Variants in LRP1B observed in about 807,000 individuals in gnomAD.
LRP1B encodes low-density lipoprotein receptor-related protein 1B.
In LRP1B, 217 loss-of-function variants were observed where a neutral mutation model predicts 556.6. The ratio of observed to expected loss-of-function variants is 0.39; its 90% confidence interval spans 0.35 to 0.44. The LOEUF is 0.44. Ranked by LOEUF, LRP1B falls within the 20% of genes least tolerant of loss-of-function variation. The probability of loss-of-function intolerance (pLI) is 1.00; values close to 1 mark genes in which losing one functional copy is unlikely to be tolerated. For missense variants in LRP1B, 5,053 were observed against 5,620.8 expected (o/e 0.90, Z 3.23); for synonymous variants, 2,047 against 1,865.8 (o/e 1.10, Z -2.50).
intron 21 of LRP1B, among the ~76,000 whole-genome samples, chr2:140,911,361 A>G (rs993502990): frequency 3.3e-5 from 5 of 151,796 alleles, no homozygotes; most frequent in African/African-American, 9.7e-5. Flanking sequence ...CCATTGTAGG[A>G]GGAAGAGATA....
chr2:140,273,812 C>T (rs1011608495), intron 85 of LRP1B, among the ~76,000 whole-genome samples: 6 of 151,938 alleles, frequency 3.9e-5, no homozygotes, highest in East Asian at 1.9e-4. Flanking sequence ...ACCCTTTAGC[C>T]GCAATGTTCT....
intron 1 of LRP1B, among the ~76,000 whole-genome samples, chr2:142,093,847 T>C (rs1267792001): frequency 6.6e-6 from 1 of 152,104 alleles, no homozygotes. Flanking sequence ...GAAGATATGG[T>C]GCAGGCAATA....
At chr2:141,948,458 T>C (rs1201474453) in intron 1 of LRP1B, among the ~76,000 whole-genome samples, 27 of 152,040 alleles carry the variant, frequency 1.8e-4, no homozygotes, top group Admixed American at 1.2e-3. Context: ...CAGACCAAGA[T>C]ACTTTCCAAA....
At chr2:141,967,225 G>T (rs1014006684) in intron 1 of LRP1B, among the ~76,000 whole-genome samples, 3 of 151,830 alleles carry the variant, frequency 2.0e-5, no homozygotes, top group Non-Finnish European at 4.4e-5. Flanking sequence ...AAAAATATAT[G>T]ATTTAACTCT....
chr2:140,282,492 G>A (rs112085232), intron 84 of LRP1B, among the ~76,000 whole-genome samples: 1,630 of 151,802 alleles, frequency 0.011, 35 homozygotes, highest in African/African-American at 0.038. Flanking sequence ...TCATAAATAC[G>A]TTCAGGAAAA....
intron 1 of LRP1B, among the ~76,000 whole-genome samples, chr2:141,920,289 T>TGG (rs1558962154): frequency 1.9e-5 from 2 of 104,356 alleles, no homozygotes; most frequent in Non-Finnish European, 3.7e-5. Flanking sequence ...TGGGGGGGGG[T>TGG]GGTAGGGATA....
intron 46 of LRP1B, among the ~76,000 whole-genome samples, chr2:140,535,648 T>C (rs765123844): frequency 6.6e-6 from 1 of 152,176 alleles, no homozygotes; most frequent in Non-Finnish European, 1.5e-5. Context: ...CCCAATGCTA[T>C]TGGATTTCTA....
chr2:141,103,720 T>A (rs1700527557), intron 7 of LRP1B, among the ~76,000 whole-genome samples: 1 of 150,962 alleles, frequency 6.6e-6, no homozygotes, highest in East Asian at 1.9e-4. Flanking sequence ...TTTTTTTTTT[T>A]AGAAGAAACC....
chr2:141,042,185 GAT>G (rs1407109539), intron 11 of LRP1B, among the ~76,000 whole-genome samples: 2 of 152,116 alleles, frequency 1.3e-5, no homozygotes, highest in Non-Finnish European at 2.9e-5. Flanking sequence ...GTCCTTGGAA[GAT>G]AGAGATTACA....
chr2:141,480,793 G>T (rs1201812836), intron 2 of LRP1B, among the ~76,000 whole-genome samples: 1 of 152,106 alleles, frequency 6.6e-6, no homozygotes, highest in Admixed American at 6.6e-5. Flanking sequence ...CATTAAAATA[G>T]TATGGATTTA....
At chr2:140,818,861 C>T (rs949055059) in intron 31 of LRP1B, among the ~76,000 whole-genome samples, 2 of 148,344 alleles carry the variant, frequency 1.3e-5, no homozygotes. Context: ...CGCTTGAACC[C>T]AGGAGGTAGA....
chr2:140,547,482 G>A (rs993068238), intron 43 of LRP1B, among the ~76,000 whole-genome samples: 4 of 152,044 alleles, frequency 2.6e-5, no homozygotes, highest in African/African-American at 9.7e-5. Flanking sequence ...TTCTATTTCT[G>A]TGGGGTCAGT....
intron 43 of LRP1B, among the ~76,000 whole-genome samples, chr2:140,588,870 G>C (rs1026840442): frequency 2.0e-5 from 3 of 151,092 alleles, no homozygotes; most frequent in African/African-American, 7.3e-5. Flanking sequence ...TGAGGCAGGA[G>C]AATCTCTTGA....
At chr2:140,600,761 T>A (rs1682623436) in intron 42 of LRP1B, among the ~76,000 whole-genome samples, 1 of 140,212 alleles carries the variant, frequency 7.1e-6, no homozygotes, top group Non-Finnish European at 1.5e-5. Context: ...TGCTTTGTTC[T>A]TCGGGGTTTT....
intron 32 of LRP1B, among the ~76,000 whole-genome samples, chr2:140,803,863 C>T (rs1300361290): frequency 4.7e-5 from 6 of 128,950 alleles, no homozygotes; most frequent in South Asian, 3.0e-4. Context: ...TAAACCCCTC[C>T]CCCACCCCCC....
At chr2:140,562,776 A>G (rs987315315) in intron 43 of LRP1B, among the ~76,000 whole-genome samples, 1 of 151,804 alleles carries the variant, frequency 6.6e-6, no homozygotes, top group African/African-American at 2.4e-5. Context: ...ATGCACCACC[A>G]CACCTATTTT....
chr2:141,518,286 T>C (rs1463085416), intron 2 of LRP1B, among the ~76,000 whole-genome samples: 1 of 152,114 alleles, frequency 6.6e-6, no homozygotes, highest in African/African-American at 2.4e-5. Flanking sequence ...TAATGTTCAG[T>C]AGGTGGAAGC....
At chr2:140,522,398 A>G (rs575853579) in intron 49 of LRP1B, among the ~76,000 whole-genome samples, 2 of 151,980 alleles carry the variant, frequency 1.3e-5, no homozygotes, top group Non-Finnish European at 2.9e-5. Context: ...GACACAACAT[A>G]CCAAAATCTC....
chr2:141,384,369 A>G (rs1468240149), intron 3 of LRP1B, among the ~76,000 whole-genome samples: 1 of 152,176 alleles, frequency 6.6e-6, no homozygotes, highest in Non-Finnish European at 1.5e-5. Flanking sequence ...TTGCATTTTT[A>G]GTTTATGAGT....
Sources: gnomAD v4.1 joint callset for allele counts (sites outside exome capture counted in the v4.1 genomes callset) on GRCh38, gnomAD v4.1.1 for gene constraint, MANE v1.5 for transcripts, NCBI Gene and HGNC (gene_info 2026-07-23, HGNC 2026-07-21) for gene names.